RANBP10: variants seen among roughly 807,000 people sequenced by gnomAD.
The protein encoded by RANBP10 is RAN binding protein 10.
RANBP10 carries 24 observed loss-of-function variants against 72.8 expected under a neutral mutation model. That is an observed-to-expected ratio of 0.33 (90% CI 0.24 to 0.46). The LOEUF is 0.46. Ranked by LOEUF, RANBP10 falls within the 20% of genes least tolerant of loss-of-function variation. The probability of loss-of-function intolerance (pLI) is 1.00; values close to 1 mark genes in which losing one functional copy is unlikely to be tolerated. For synonymous variants in RANBP10, 310 were observed against 322.3 expected (o/e 0.96, Z 0.41); for missense variants, 679 against 817.5 (o/e 0.83, Z 2.07).
chr16:67,768,555 A>C (rs879768811), intron 3 of RANBP10, among the ~76,000 whole-genome samples: 2 of 148,498 alleles, frequency 1.3e-5, no homozygotes, highest in African/African-American at 2.5e-5. Context: ...AATAAAAATA[A>C]AAATACAAAA....
intron 2 of RANBP10, among the ~76,000 whole-genome samples, chr16:67,802,169 T>C (rs1487089008): frequency 1.3e-5 from 2 of 152,064 alleles, no homozygotes; most frequent in African/African-American, 4.8e-5. Context: ...TAACTGCCTT[T>C]GGCCTCCTCA....
At chr16:67,787,368 G>C (rs892379304) in intron 2 of RANBP10, among the ~76,000 whole-genome samples, 72 of 152,052 alleles carry the variant, frequency 4.7e-4, no homozygotes, top group Non-Finnish European at 2.4e-4. Flanking sequence ...AAAAAATGAA[G>C]AAAGAAATAA....
chr16:67,791,327 T>C (rs141595272), intron 2 of RANBP10, among the ~76,000 whole-genome samples: 2,037 of 152,272 alleles, frequency 0.013, 23 homozygotes, highest in Non-Finnish European at 0.021. Flanking sequence ...TTTACCAATT[T>C]CTTTTTAGAG....
chr16:67,784,005 T>C (rs1297055363), intron 2 of RANBP10, among the ~76,000 whole-genome samples: 2 of 136,000 alleles, frequency 1.5e-5, no homozygotes, highest in East Asian at 4.3e-4. Flanking sequence ...ATGGCGCCAC[T>C]GCACTCCAGC....
chr16:67,778,664 G>A (rs1203942250), intron 2 of RANBP10, among the ~76,000 whole-genome samples: 2 of 152,112 alleles, frequency 1.3e-5, no homozygotes, highest in African/African-American at 4.8e-5. Context: ...TAGCCTGGGC[G>A]ACACAGCAAA....
intron 3 of RANBP10, among the ~76,000 whole-genome samples, chr16:67,765,386 C>A (rs574736225): frequency 6.6e-6 from 1 of 151,682 alleles, no homozygotes; most frequent in Non-Finnish European, 1.5e-5. Flanking sequence ...ATTAGCTGGG[C>A]GTGGTGGTGC....
At chr16:67,757,413 C>G (rs958907132) in intron 3 of RANBP10, among the ~76,000 whole-genome samples, 1 of 152,198 alleles carries the variant, frequency 6.6e-6, no homozygotes, top group Admixed American at 6.5e-5. Flanking sequence ...CAGGGTTCAA[C>G]AGCCATGCCC....
Position 67,730,831 on chromosome 16 carries a change from C to T in RANBP10, c.889+641G>A, listed in dbSNP as rs532849378. Among the ~76,000 whole-genome samples, 2 of 152,124 alleles carry T rather than the reference C, an allele frequency of 1.3e-5. No homozygotes were observed. Among genetic ancestry groups the T allele is most frequent in the Non-Finnish European group, 2.9e-5 (2 of 68,010 alleles). Reference sequence around the variant, plus strand: ...AGACACGCATATCCACACCCACTTGCCCTCATTCTCCTTTTCTCCTTCTAG... The same window carrying T: ...AGACACGCATATCCACACCCACTTGTCCTCATTCTCCTTTTCTCCTTCTAG... On this transcript the variant is annotated intron_variant, in intron 7 of 13. Coordinates refer to ENST00000317506, the MANE Select transcript of RANBP10 (RefSeq NM_020850.3). This position sits in a 1 kb window ranked among gnomAD's most constrained non-coding sequence, Gnocchi z 4.3.
chr16:67,799,378 C>T (rs2055193441), intron 2 of RANBP10, among the ~76,000 whole-genome samples: 1 of 151,240 alleles, frequency 6.6e-6, no homozygotes, highest in Non-Finnish European at 1.5e-5. Context: ...AGCTCGGCCT[C>T]CCGGGTTCAC....
chr16:67,773,071 T>A (rs926250619), intron 2 of RANBP10, among the ~76,000 whole-genome samples: 1 of 152,204 alleles, frequency 6.6e-6, no homozygotes, highest in African/African-American at 2.4e-5. Flanking sequence ...TCGATGTTTG[T>A]CCTCTCCAAA....
chr16:67,732,591 T>C (rs28484899), intron 6 of RANBP10, among the ~76,000 whole-genome samples: 5,556 of 152,256 alleles, frequency 0.036, 330 homozygotes, highest in African/African-American at 0.13. Flanking sequence ...CTTCTTATTA[T>C]GAAATGATAT....
Position 67,727,433 on chromosome 16 carries a change from G to A in RANBP10, c.1626C>T (p.Ala542=). 3 of 1,613,152 alleles carry A rather than the reference G, an allele frequency of 1.9e-6. No individual in the cohort carries two copies. The highest frequency in any genetic ancestry group is 2.2e-5 in the East Asian group (1 of 44,864). The change falls in exon 13 of 14, where the codon GCC becomes GCT. Residue 542 remains alanine, a synonymous_variant. Transcript: ENST00000317506. ...NLAHTEMLQD[A]FSLLAYSDPW... ...GGTCTGAGTATGCCAGCAGGCTGAA[G>A]GCATCCTACAGGACAGGGCATTCTT...
intron 2 of RANBP10, among the ~76,000 whole-genome samples, chr16:67,772,643 A>C (rs550672698): frequency 2.0e-5 from 3 of 152,238 alleles, no homozygotes; most frequent in Admixed American, 6.5e-5. Flanking sequence ...AACCACACAA[A>C]GCTGGGAGTA....
intron 3 of RANBP10, among the ~76,000 whole-genome samples, chr16:67,749,755 C>T (rs1379035810): frequency 6.6e-6 from 1 of 152,200 alleles, no homozygotes; most frequent in Non-Finnish European, 1.5e-5. Flanking sequence ...CAGGCATCAA[C>T]TCGGGAGACA....
At chr16:67,792,154 C>T (rs950650852) in intron 2 of RANBP10, among the ~76,000 whole-genome samples, 3 of 152,108 alleles carry the variant, frequency 2.0e-5, no homozygotes, top group Admixed American at 6.6e-5. Flanking sequence ...CCCGCCCCTG[C>T]CCCAGGAAGC....
chr16:67,771,156 G>A lies in RANBP10; in HGVS notation c.400+878C>T, dbSNP rs537140457. Among the ~76,000 whole-genome samples the A allele has an allele frequency of 5.6e-4, 85 of 151,674 alleles. 1 individual carries two copies. The highest frequency in any genetic ancestry group is 6.5e-4 in the Non-Finnish European group (44 of 67,978). On this transcript the variant is annotated intron_variant, in intron 3 of 13. Coordinates refer to ENST00000317506, the MANE Select transcript of RANBP10 (RefSeq NM_020850.3). ...GAGCTCCTGTGGTCCCAGCTACTAG[G>A]AAGGCTGAGGATCACCTGAGTCTGG...
chr16:67,734,366 A>C (rs1461895832), intron 6 of RANBP10, among the ~76,000 whole-genome samples: 2 of 152,202 alleles, frequency 1.3e-5, no homozygotes, highest in African/African-American at 4.8e-5. Context: ...TCTGGGAATT[A>C]ATCAGCCAAG....
chr16:67,771,356 T>A (rs909152296), intron 3 of RANBP10, among the ~76,000 whole-genome samples: 1 of 152,094 alleles, frequency 6.6e-6, no homozygotes, highest in African/African-American at 2.4e-5. Flanking sequence ...TATTTTATTT[T>A]TTTTTTTGAG....
intron 2 of RANBP10, among the ~76,000 whole-genome samples, chr16:67,795,260 C>T (rs554180155): frequency 2.0e-5 from 3 of 150,294 alleles, no homozygotes; most frequent in African/African-American, 7.3e-5. Flanking sequence ...AATAAATAGG[C>T]TGGGTGCGGT....
Sources: gnomAD v4.1 joint callset for allele counts (sites outside exome capture counted in the v4.1 genomes callset) on GRCh38, gnomAD v4.1.1 for gene constraint, Gnocchi (gnomAD v3.1) non-coding constraint, MANE v1.5 for transcripts, NCBI Gene and HGNC (gene_info 2026-07-23, HGNC 2026-07-21) for gene names.